The following CUL4B variants were observed in gnomAD, a reference collection of about 807,000 sequenced individuals.
CUL4B encodes cullin-4B.
In CUL4B, 1 loss-of-function variant was observed where a neutral mutation model predicts 69.2. That is an observed-to-expected ratio of 0.01 (90% CI 0.01 to 0.07). The LOEUF is 0.07. CUL4B is among the 10% of genes least tolerant of loss of function. The pLI, the probability that CUL4B is intolerant of heterozygous loss-of-function variation, is 1.00. For missense variants in CUL4B, 328 were observed against 638.8 expected (o/e 0.51, Z 5.24); for synonymous variants, 237 against 223.2 (o/e 1.06, Z -0.55).
intron 4 of CUL4B, 138 bp downstream of exon 4, chrX:120,546,408 GA>G (rs756228337): frequency 6.0e-4 from 252 of 419,772 alleles, no homozygotes; most frequent in Middle Eastern, 2.7e-3. Context: ...TTTAAAAAAA[GA>G]AAAAAAAAGA....
intron 17 of CUL4B, among the ~76,000 whole-genome samples, chrX:120,533,093 T>G (rs1400740317): frequency 8.9e-6 from 1 of 112,504 alleles, no homozygotes; most frequent in Non-Finnish European, 1.9e-5. Flanking sequence ...TTGTCAGTGG[T>G]GATACCACTA....
intron 2 of CUL4B, among the ~76,000 whole-genome samples, chrX:120,556,089 T>C (rs1192195944): frequency 9.0e-6 from 1 of 110,717 alleles, no homozygotes; most frequent in East Asian, 2.8e-4. Context: ...TTGGACCACA[T>C]GCTCTCTTAA....
intron 19 of CUL4B, 23 bp downstream of exon 19, chrX:120,530,079 T>C (rs1264131012): frequency 8.3e-7 from 1 of 1,198,360 alleles, no homozygotes; most frequent in Admixed American, 2.2e-5. Context: ...ACACGCTCAA[T>C]AGGAAAACAC....
rs1026357885 is a variant in CUL4B at position 120,524,333 on chromosome X, C to T, written c.*2428G>A. Among the ~76,000 whole-genome samples the T allele has an allele frequency of 3.2e-4, 36 of 111,753 alleles. No individual in the cohort carries two copies. Among genetic ancestry groups the T allele is most frequent in the African/African-American group, 1.0e-3 (32 of 30,838 alleles). The stretch of plus-strand genomic sequence containing the variant: ...ATATTGACTTTATGAAACAATTTGA[C>T]ACTGAGGATTTGAATGAAGCAATGT... On this transcript the variant is annotated 3_prime_UTR_variant, in exon 20 of 20. Coordinates refer to ENST00000371322, the MANE Select transcript of CUL4B (RefSeq NM_001079872.2).
chrX:120,544,146 C>T lies in CUL4B; in HGVS notation c.1141G>A (p.Ala381Thr). The T allele has an allele frequency of 8.3e-7, 1 of 1,205,597 alleles. No individual in the cohort carries two copies. Among genetic ancestry groups the T allele is most frequent in the South Asian group, 1.8e-5 (1 of 56,809 alleles). ...FLEETNRLYA[A>T]EGQKLMQERE... ...TCTTGCATTAATTTTTGGCCTTCAG[C>T]TGCATAGAGCCGGTTAGTTTCTTCC... Residue 381 changes from alanine (A) to threonine (T), a missense_variant, in exon 7 of 20, where the codon GCT becomes ACT. Ala to Thr is a moderately conservative substitution (Grantham distance 58). Coordinates refer to ENST00000371322, the MANE Select transcript of CUL4B (RefSeq NM_001079872.2).
rs1388676582 is a variant in CUL4B at position 120,525,685 on chromosome X, A to C, written c.*1076T>G. On this transcript the variant is annotated 3_prime_UTR_variant, in exon 20 of 20. Transcript: ENST00000371322. ...GACCTTTGTATCTAGGGTTTTAGCA[A>C]GTTAAAATGAAGATGACAGGAAAGG... is the stretch of plus-strand genomic sequence containing the variant. 9.0e-6 allele frequency: 1 copy of C among 111,049 alleles called. No homozygotes were observed. Among genetic ancestry groups the C allele is most frequent in the African/African-American group, 3.3e-5 (1 of 30,553 alleles). The allele number at this position is 111,049 out of a possible 1,213,427, so 9.2% of individuals were successfully genotyped here. A position where few individuals can be genotyped will look rare whatever the true frequency, so the allele number is the denominator to read the frequency against.
chrX:120,560,265 G>C lies in CUL4B; in HGVS notation c.374C>G (p.Ser125Cys). The change falls in exon 1 of 20, where the codon TCC (serine) becomes TGC (cysteine). Residue 125 changes from serine (S) to cysteine (C), a missense_variant. Physicochemically the swap from Ser to Cys is moderately radical, Grantham distance 112 (BLOSUM62 -1). Coordinates refer to ENST00000371322, the MANE Select transcript of CUL4B (RefSeq NM_001079872.2). ...KMAEESSSSS[S>C]SSSPTAATSQ... is the part of the protein sequence containing the mutation. ...TGTTGCAGCAGTTGGTGAAGATGAG[G>C]AGGAGGAGGAGGAGGATTCCTCAGC... 1 of 1,209,804 alleles carries C rather than the reference G, an allele frequency of 8.3e-7. No individual in the cohort carries two copies. Among genetic ancestry groups the C allele is most frequent in the Non-Finnish European group, 1.1e-6 (1 of 894,235 alleles).
At chrX:120,542,361 C>T (rs1310127677) in intron 9 of CUL4B, among the ~76,000 whole-genome samples, 1 of 111,354 alleles carries the variant, frequency 9.0e-6, no homozygotes, top group Non-Finnish European at 1.9e-5. Context: ...AACAGTATAA[C>T]TGCATTAAAT....
At chrX:120,534,949 A>T (rs148681084) in intron 16 of CUL4B, among the ~76,000 whole-genome samples, 1 of 112,226 alleles carries the variant, frequency 8.9e-6, no homozygotes, top group Non-Finnish European at 1.9e-5. Context: ...ATGAAAAGCT[A>T]AAGTTTTTTG....
chrX:120,560,695 C>A lies in CUL4B; in HGVS notation c.-57G>T. 1.7e-6 allele frequency: 2 copies of A among 1,166,747 alleles called. No homozygotes were observed. Among genetic ancestry groups the A allele is most frequent in the Non-Finnish European group, 2.3e-6 (2 of 877,708 alleles). On this transcript the variant is annotated 5_prime_UTR_variant, in exon 1 of 20. Transcript: ENST00000371322. ...TCAAAAACCTACGTTTATATGCCTGCGTGCGTGTAGGAGAGAAGGTAGCAA... is the reference window on the plus strand; with the variant it reads ...TCAAAAACCTACGTTTATATGCCTGAGTGCGTGTAGGAGAGAAGGTAGCAA...
At chrX:120,537,517 A>G (rs1005555065) in intron 14 of CUL4B, among the ~76,000 whole-genome samples, 5 of 111,395 alleles carry the variant, frequency 4.5e-5, no homozygotes, top group African/African-American at 1.6e-4. Context: ...GGCAAAGCAG[A>G]TAAGCCCTAT....
intron 14 of CUL4B, among the ~76,000 whole-genome samples, chrX:120,537,923 T>C (rs1160048483): frequency 8.9e-6 from 1 of 112,139 alleles, no homozygotes; most frequent in Non-Finnish European, 1.9e-5. Flanking sequence ...TGTGTTATTC[T>C]GGGTGTTTGT....
intron 2 of CUL4B, among the ~76,000 whole-genome samples, chrX:120,553,852 TA>T (rs955135356): frequency 4.5e-5 from 5 of 111,994 alleles, no homozygotes; most frequent in Non-Finnish European, 9.4e-5. Flanking sequence ...TTATTAATAG[TA>T]AAAAAACTCA....
upstream of CUL4B, among the ~76,000 whole-genome samples, chrX:120,564,507 A>G (rs1476046932): frequency 9.0e-6 from 1 of 111,543 alleles, no homozygotes; most frequent in Non-Finnish European, 1.9e-5. Flanking sequence ...TCGGGAGGAT[A>G]AGGCAGAAGA....
At chrX:120,555,055 A>T (rs1164790973) in intron 2 of CUL4B, among the ~76,000 whole-genome samples, 1 of 112,455 alleles carries the variant, frequency 8.9e-6, no homozygotes, top group Non-Finnish European at 1.9e-5. Context: ...GCAGTAAGGT[A>T]TTATGAAAAA....
chrX:120,561,249 C>T (rs1018264602), upstream of CUL4B: 147 of 512,714 alleles, frequency 2.9e-4, no homozygotes, highest in Admixed American at 1.8e-3. Context: ...CGCTAGTTCG[C>T]TCCTGCTCCC....
Position 120,526,748 on chromosome X carries a change from C to CA in CUL4B, c.*12dup, listed in dbSNP as rs1569385044. The CA allele has an allele frequency of 8.0e-6, 9 of 1,123,929 alleles. No homozygotes were observed. The highest frequency in any genetic ancestry group is 1.1e-5 in the Non-Finnish European group (9 of 820,010). The allele number at this position is 1,123,929 out of a possible 1,213,427, so 92.6% of individuals were successfully genotyped here. A position where few individuals can be genotyped will look rare whatever the true frequency, so the allele number is the denominator to read the frequency against. On this transcript the variant is annotated 3_prime_UTR_variant, in exon 20 of 20. Coordinates refer to ENST00000371322, the MANE Select transcript of CUL4B (RefSeq NM_001079872.2). ...CTACTGCATATGACACCAAATGCTGCAAGGCCAACATTCTATGCAATATAG... is the reference window on the plus strand; with the variant it reads ...CTACTGCATATGACACCAAATGCTGCAAAGGCCAACATTCTATGCAATATAG...
chrX:120,567,796 G>A (rs192428804), downstream of CUL4B, among the ~76,000 whole-genome samples: 1 of 107,708 alleles, frequency 9.3e-6, no homozygotes, highest in Non-Finnish European at 1.9e-5. Context: ...GATTGCTTGA[G>A]CCCAGGAGTT....
At chrX:120,563,339 T>C (rs1925396520), upstream of CUL4B, among the ~76,000 whole-genome samples, 1 of 112,159 alleles carries the variant, frequency 8.9e-6, no homozygotes, top group Non-Finnish European at 1.9e-5. Flanking sequence ...GTTCAAGCGA[T>C]TCTTGTGCGT....
Sources: allele counts gnomAD v4.1 joint callset (sites outside exome capture counted in the v4.1 genomes callset), GRCh38; gene constraint gnomAD v4.1.1; transcripts MANE v1.5; gene names NCBI Gene and HGNC (gene_info 2026-07-23, HGNC 2026-07-21).